Variants in DCDC2C observed in about 807,000 individuals in gnomAD.
DCDC2C encodes doublecortin domain containing 2C.
A neutral mutation model predicts 45.0 loss-of-function variants in DCDC2C; 44 were observed. The ratio of observed to expected loss-of-function variants is 0.98; its 90% confidence interval spans 0.77 to 1.26. The LOEUF (loss-of-function observed/expected upper bound fraction) is 1.26. Ranked by LOEUF, DCDC2C falls within the 50% of genes most tolerant of loss-of-function variation. The probability of loss-of-function intolerance (pLI) is 0.00; values close to 1 mark genes in which losing one functional copy is unlikely to be tolerated. For missense variants in DCDC2C, 447 were observed against 468.9 expected, an observed-to-expected ratio of 0.95 and a Z score of 0.43; for synonymous variants, 187 against 178.8, an observed-to-expected ratio of 1.05 and a Z score of -0.37.
In DCDC2C at chr2:3,729,646, G is replaced by A. The variant is rs1016200174; in HGVS notation, c.416+2567G>A. The stretch of plus-strand genomic sequence containing the variant: ...CGCCAGAGACTGGGAGACAGGCCCT[G>A]TCCTGCCTGATGCTTGCAGTTCAAG... On this transcript the variant is annotated intron_variant, in intron 3 of 10. Transcript: ENST00000399143. Among the ~76,000 whole-genome samples the A allele has an allele frequency of 1.8e-4, 27 of 152,238 alleles. 1 individual carries two copies. The highest frequency in any genetic ancestry group is 1.4e-3 in the Admixed American group (21 of 15,290).
At chr2:3,765,026 C>T (rs1372556492) in intron 6 of DCDC2C, among the ~76,000 whole-genome samples, 1 of 152,148 alleles carries the variant, frequency 6.6e-6, no homozygotes, top group Non-Finnish European at 1.5e-5. Flanking sequence ...AAATAGATAT[C>T]ACGTCTTCAG....
rs897632172 is a variant in DCDC2C, at chr2:3,778,894, T to C, written c.1023+10T>C. The C allele has an allele frequency of 9.0e-6, 14 of 1,550,316 alleles. No individual in the cohort carries two copies. The highest frequency in any genetic ancestry group is 3.9e-5 in the Admixed American group (2 of 50,960). ...TTTTGAGGGCAACAAGGTGAGTTCA[T>C]TTTATTTTGTGTTTAATGGCTTGGA... On this transcript the variant is annotated intron_variant, in intron 9 of 10. Transcript: ENST00000399143.
chr2:3,783,946 A>G (rs1476242722), intron 9 of DCDC2C, among the ~76,000 whole-genome samples: 1 of 152,262 alleles, frequency 6.6e-6, no homozygotes. Context: ...TGCAATACAA[A>G]TCAAATTTTC....
chr2:3,830,887 C>G (rs557635707), intron 10 of DCDC2C, among the ~76,000 whole-genome samples: 2 of 152,304 alleles, frequency 1.3e-5, no homozygotes, highest in South Asian at 4.1e-4. Context: ...TCTCAAATTT[C>G]TATTTCTTTC....
chr2:3,769,657 T>TG (rs1670112314), intron 8 of DCDC2C, among the ~76,000 whole-genome samples: 1 of 152,208 alleles, frequency 6.6e-6, no homozygotes, highest in African/African-American at 2.4e-5. Flanking sequence ...ACTGCAAATT[T>TG]GGCTTCATCA....
intron 8 of DCDC2C, among the ~76,000 whole-genome samples, chr2:3,774,156 A>T (rs1027119977): frequency 4.6e-5 from 7 of 152,370 alleles, no homozygotes; most frequent in Non-Finnish European, 8.8e-5. Context: ...ATTGGAAAAA[A>T]CCTAATGAAG....
intron 9 of DCDC2C, among the ~76,000 whole-genome samples, chr2:3,782,128 C>T (rs1223869169): frequency 1.2e-4 from 19 of 152,152 alleles, no homozygotes; most frequent in Non-Finnish European, 2.9e-5. Flanking sequence ...GCTAACTCCC[C>T]GTTCCTTGCT....
At chr2:3,739,953 A>C (rs1242340518) in intron 3 of DCDC2C, among the ~76,000 whole-genome samples, 1 of 152,160 alleles carries the variant, frequency 6.6e-6, no homozygotes, top group Non-Finnish European at 1.5e-5. Flanking sequence ...TGTCCCCTAG[A>C]GTTTTGAGCA....
intron 4 of DCDC2C, among the ~76,000 whole-genome samples, chr2:3,743,076 G>A (rs187016144): frequency 7.2e-5 from 11 of 152,258 alleles, no homozygotes; most frequent in Admixed American, 7.2e-4. Context: ...CATGCAAGTG[G>A]AAACCAAAAG....
intron 2 of DCDC2C, among the ~76,000 whole-genome samples, chr2:3,720,178 A>T (rs1035669132): frequency 6.6e-6 from 1 of 152,232 alleles, no homozygotes; most frequent in African/African-American, 2.4e-5. Flanking sequence ...AGGCAAATGG[A>T]TGCCTTAGAA....
intron 10 of DCDC2C, among the ~76,000 whole-genome samples, chr2:3,837,203 G>T (rs942001118): frequency 4.6e-5 from 7 of 152,142 alleles, no homozygotes; most frequent in Admixed American, 4.6e-4. Context: ...AGGTGAAAAC[G>T]GTATTCGGAG....
At chr2:3,827,097 C>G (rs191413334) in intron 10 of DCDC2C, among the ~76,000 whole-genome samples, 89 of 152,320 alleles carry the variant, frequency 5.8e-4, no homozygotes, top group African/African-American at 2.1e-3. Context: ...CACGGGGAGG[C>G]AGACAAGCCA....
intron 4 of DCDC2C, among the ~76,000 whole-genome samples, chr2:3,744,592 T>C (rs996538660): frequency 6.6e-6 from 1 of 152,180 alleles, no homozygotes; most frequent in Non-Finnish European, 1.5e-5. Flanking sequence ...GGTCCCCTGA[T>C]GGTAGACGCT....
chr2:3,815,323 C>T (rs191558662), intron 10 of DCDC2C, among the ~76,000 whole-genome samples: 1 of 152,110 alleles, frequency 6.6e-6, no homozygotes, highest in East Asian at 1.9e-4. Context: ...CGCTGCACTG[C>T]ATTGTTCTTC....
intron 8 of DCDC2C, among the ~76,000 whole-genome samples, chr2:3,774,477 C>T (rs555267345): frequency 6.6e-6 from 1 of 152,350 alleles, no homozygotes; most frequent in African/African-American, 2.4e-5. Flanking sequence ...CACCTTTGGC[C>T]TTGGGCTTGT....
chr2:3,788,616 A>G (rs555900597), intron 10 of DCDC2C: 2 of 152,300 alleles, frequency 1.3e-5, no homozygotes, highest in Non-Finnish European at 2.9e-5. Context: ...TAGTATTTGT[A>G]GTCATTGATT....
At chr2:3,768,995 C>T in intron 7 of DCDC2C, 1 of 253,540 alleles carries the variant, frequency 3.9e-6, no homozygotes. Flanking sequence ...CTTCCCTGTG[C>T]TTCATCTTGT....
intron 10 of DCDC2C, among the ~76,000 whole-genome samples, chr2:3,823,876 G>T (rs1671752346): frequency 6.6e-6 from 1 of 152,182 alleles, no homozygotes; most frequent in Admixed American, 6.5e-5. Flanking sequence ...ACTAGAGCAG[G>T]ATTTGGCAAA....
chr2:3,752,994 G>C (rs1669586333), intron 5 of DCDC2C, 94 bp downstream of exon 5: 1 of 1,344,340 alleles, frequency 7.4e-7, no homozygotes, highest in Non-Finnish European at 1.0e-6. Context: ...TCAGCTATTG[G>C]TTATTTTTCA....
Sources: gnomAD v4.1 joint callset for allele counts (sites outside exome capture counted in the v4.1 genomes callset) on GRCh38, gnomAD v4.1.1 for gene constraint, MANE v1.5 for transcripts, NCBI Gene and HGNC (gene_info 2026-07-23, HGNC 2026-07-21) for gene names.